Variants in MALRD1 observed in about 807,000 individuals in gnomAD.
The protein encoded by MALRD1 is MAM and LDL-receptor class A domain-containing protein 1.
MALRD1 carries 247 observed loss-of-function variants against 242.1 expected under a neutral mutation model. The ratio of observed to expected loss-of-function variants is 1.02; its 90% CI spans 0.92 to 1.13. The LOEUF is 1.13. MALRD1 is among the 50% of genes most tolerant of loss of function. MALRD1 has a pLI of 0.00. For missense variants in MALRD1, 2,989 were observed against 2,533.1 expected (o/e 1.18, Z -3.86); for synonymous variants, 995 against 866.6 (o/e 1.15, Z -2.60).
chr10:19,208,520 T>C (rs1018718886), intron 17 of MALRD1, among the ~76,000 whole-genome samples: 5 of 152,136 alleles, frequency 3.3e-5, no homozygotes, highest in African/African-American at 1.2e-4. Flanking sequence ...CATTGAAGGA[T>C]TGTTACCTTG....
At chr10:19,065,311 G>GAAAAAAAAA (rs1590378950) in intron 1 of MALRD1, among the ~76,000 whole-genome samples, 2 of 103,264 alleles carry the variant, frequency 1.9e-5, no homozygotes, top group African/African-American at 3.8e-5. Flanking sequence ...AAAAAAAAAG[G>GAAAAAAAAA]AAGAAAGAAA....
chr10:19,645,886 AAAAAG>A (rs1474210508), intron 36 of MALRD1, among the ~76,000 whole-genome samples: 1 of 152,176 alleles, frequency 6.6e-6, no homozygotes, highest in Non-Finnish European at 1.5e-5. Context: ...AATAATAAAA[AAAAAG>A]AAATGGATAG....
chr10:19,606,442 G>C (rs533144299), intron 34 of MALRD1, among the ~76,000 whole-genome samples: 1 of 152,174 alleles, frequency 6.6e-6, no homozygotes, highest in African/African-American at 2.4e-5. Context: ...GTGCAAGACA[G>C]TTCTGACTAT....
chr10:19,434,142 A>C (rs1834257202), intron 28 of MALRD1, among the ~76,000 whole-genome samples: 1 of 152,204 alleles, frequency 6.6e-6, no homozygotes, highest in Non-Finnish European at 1.5e-5. Context: ...ATTGCCCCAA[A>C]TCTTCAAAGA....
chr10:19,243,855 T>C (rs1838920350), intron 18 of MALRD1, among the ~76,000 whole-genome samples: 1 of 152,116 alleles, frequency 6.6e-6, no homozygotes, highest in African/African-American at 2.4e-5. Context: ...GAAAACAAAG[T>C]ATGTGTTTCC....
intron 19 of MALRD1, among the ~76,000 whole-genome samples, chr10:19,265,329 T>A (rs11009189): frequency 0.045 from 6,739 of 150,498 alleles, 220 homozygotes; most frequent in Non-Finnish European, 0.067. Context: ...GAGTTTTTTT[T>A]ATTTCTGAAT....
At chr10:19,363,972 T>G (rs1044216064) in intron 26 of MALRD1, among the ~76,000 whole-genome samples, 1 of 152,080 alleles carries the variant, frequency 6.6e-6, no homozygotes, top group Non-Finnish European at 1.5e-5. Flanking sequence ...AGTAGTGTTT[T>G]GTGAAGGCCC....
At chr10:19,265,080 G>T (rs1474192779) in intron 19 of MALRD1, among the ~76,000 whole-genome samples, 1 of 151,994 alleles carries the variant, frequency 6.6e-6, no homozygotes, top group African/African-American at 2.4e-5. Flanking sequence ...TATTTCTGTG[G>T]CATCAGTTGT....
At chr10:19,462,880 A>T (rs897777767) in intron 29 of MALRD1, among the ~76,000 whole-genome samples, 9 of 152,202 alleles carry the variant, frequency 5.9e-5, no homozygotes, top group Non-Finnish European at 1.2e-4. Context: ...TATAGCTTTC[A>T]TCTGGCTGGC....
At chr10:19,113,446 C>T (rs776619473) in intron 5 of MALRD1, among the ~76,000 whole-genome samples, 6 of 151,632 alleles carry the variant, frequency 4.0e-5, no homozygotes, top group Non-Finnish European at 7.4e-5. Context: ...TCTTTTTCTT[C>T]TTCTTCTCAT....
intron 21 of MALRD1, among the ~76,000 whole-genome samples, chr10:19,289,697 C>T (rs1318213527): frequency 6.6e-6 from 1 of 152,100 alleles, no homozygotes; most frequent in Non-Finnish European, 1.5e-5. Context: ...TAGTAAGATT[C>T]TAAGTTCAGT....
chr10:19,137,996 A>G (rs975090233), intron 10 of MALRD1, among the ~76,000 whole-genome samples: 14 of 152,216 alleles, frequency 9.2e-5, no homozygotes, highest in African/African-American at 3.1e-4. Context: ...ATATTATAAT[A>G]AGATAAATGC....
intron 25 of MALRD1, among the ~76,000 whole-genome samples, chr10:19,351,727 T>C (rs1419935560): frequency 1.3e-5 from 2 of 152,208 alleles, no homozygotes; most frequent in Non-Finnish European, 2.9e-5. Context: ...GGAATCTTGC[T>C]TTCAGAAGTC....
chr10:19,104,068 T>G lies in MALRD1; in HGVS notation c.687T>G (p.Pro229=). 2 of 1,232,316 alleles carry G rather than the reference T, an allele frequency of 1.6e-6. No individual in the cohort carries two copies. Among genetic ancestry groups the G allele is most frequent in the Non-Finnish European group, 1.0e-6 (1 of 986,716 alleles). 76.3% of individuals were successfully genotyped at this position (1,232,316 alleles called of 1,614,324 possible). A position where few individuals can be genotyped will look rare whatever the true frequency, so the allele number is the denominator to read the frequency against. The change falls in exon 5 of 40, where the codon CCT becomes CCG. Residue 229 remains proline (P), a synonymous_variant. Transcript: ENST00000454679. ...DDISFSSGCL[P]ANDGILLCQE... The stretch of plus-strand genomic sequence containing the variant: ...TATCTTTCAGTTCAGGCTGCTTGCC[T>G]GCCAATGGTAAGAACTTTTTCTCTC...
intron 33 of MALRD1, among the ~76,000 whole-genome samples, chr10:19,578,832 A>G (rs10827613): frequency 0.47 from 71,596 of 151,656 alleles, 17,034 homozygotes; most frequent in African/African-American, 0.51. Flanking sequence ...TGCTGGTGAC[A>G]TGTGCGCCCT....
At position 19,389,505 on chromosome 10, in the gene MALRD1, C is replaced by T. The variant is rs757989747; in HGVS notation, c.4741C>T (p.His1581Tyr). 15 of 1,549,850 alleles carry T rather than the reference C, an allele frequency of 9.7e-6. No homozygotes were observed. Among genetic ancestry groups the T allele is most frequent in the South Asian group, 4.8e-5 (4 of 84,062 alleles). Reference sequence around the variant, plus strand: ...AGTGGGCCTTCGGGGTGACAAAGCACACTTCAGGAGTACCATGTGGCGAGA... The same window carrying T: ...AGTGGGCCTTCGGGGTGACAAAGCATACTTCAGGAGTACCATGTGGCGAGA... ...TAVGLRGDKA[H>Y]FRSTMWRESS... The change falls in exon 28 of 40, where the codon CAC becomes TAC. Residue 1581 changes from histidine to tyrosine, a missense_variant. His to Tyr is a moderately conservative substitution (Grantham distance 83). Coordinates refer to ENST00000454679, the MANE Select transcript of MALRD1 (RefSeq NM_001142308.3).
chr10:19,226,882 A>T (rs920863356), intron 18 of MALRD1, among the ~76,000 whole-genome samples: 5 of 152,082 alleles, frequency 3.3e-5, no homozygotes, highest in Admixed American at 3.3e-4. Flanking sequence ...ATCAACACCA[A>T]TTAGAAAATA....
At chr10:19,464,293 G>A (rs1008681287) in intron 29 of MALRD1, among the ~76,000 whole-genome samples, 1 of 152,128 alleles carries the variant, frequency 6.6e-6, no homozygotes, top group African/African-American at 2.4e-5. Flanking sequence ...CTAAGCCAAT[G>A]GCTAGAAGGG....
chr10:19,727,977 G>T (rs746962388), intron 38 of MALRD1, among the ~76,000 whole-genome samples: 5 of 152,264 alleles, frequency 3.3e-5, no homozygotes, highest in Middle Eastern at 6.8e-3. Flanking sequence ...AATGTATAGA[G>T]TGACACTAGC....
Sources: gnomAD v4.1 joint callset for allele counts (sites outside exome capture counted in the v4.1 genomes callset) on GRCh38, gnomAD v4.1.1 for gene constraint, MANE v1.5 for transcripts, NCBI Gene and HGNC (gene_info 2026-07-23, HGNC 2026-07-21) for gene names.